CTNND2: variants seen among roughly 807,000 people sequenced by gnomAD.
The protein encoded by CTNND2 is catenin delta 2, also known as catenin delta-2.
In CTNND2, 22 loss-of-function variants were observed where a neutral mutation model predicts 144.4. The ratio of observed to expected loss-of-function variants is 0.15; its 90% confidence interval spans 0.11 to 0.22. The LOEUF (loss-of-function observed/expected upper bound fraction) is 0.22. Among genes scored for constraint, CTNND2 ranks in the 10% least tolerant of loss-of-function variants. The pLI is 1.00. For synonymous variants in CTNND2, 751 were observed against 695.6 expected (o/e 1.08, Z -1.25); for missense variants, 1,353 against 1,618.8 (o/e 0.84, Z 2.82).
At chr5:11,534,082 A>C (rs1018976882) in intron 3 of CTNND2, among the ~76,000 whole-genome samples, 2 of 152,198 alleles carry the variant, frequency 1.3e-5, no homozygotes, top group Non-Finnish European at 2.9e-5. Context: ...TTTATTCTTA[A>C]ATGGTAGGAA....
chr5:11,331,843 G>A (rs1753169504), intron 9 of CTNND2, among the ~76,000 whole-genome samples: 1 of 152,152 alleles, frequency 6.6e-6, no homozygotes, highest in Non-Finnish European at 1.5e-5. Flanking sequence ...ATAGGTTCTG[G>A]TGTTCTATTG....
At chr5:11,026,939 A>C (rs1329356907) in intron 16 of CTNND2, among the ~76,000 whole-genome samples, 6 of 152,196 alleles carry the variant, frequency 3.9e-5, no homozygotes, top group Admixed American at 6.5e-5. Flanking sequence ...AGTAAAAACC[A>C]AGTGAATTTT....
At chr5:11,627,384 T>C (rs1015298580) in intron 2 of CTNND2, among the ~76,000 whole-genome samples, 3 of 152,188 alleles carry the variant, frequency 2.0e-5, no homozygotes, top group African/African-American at 7.2e-5. Context: ...TGCCCTTTTA[T>C]TGGCTGTGTA....
chr5:11,650,973 G>A (rs2126535875), intron 2 of CTNND2, among the ~76,000 whole-genome samples: 1 of 152,338 alleles, frequency 6.6e-6, no homozygotes, highest in South Asian at 2.1e-4. Context: ...CATTTTCTGG[G>A]GAGAAATTCA....
At chr5:11,024,078 A>G (rs573671557) in intron 16 of CTNND2, among the ~76,000 whole-genome samples, 93 of 152,330 alleles carry the variant, frequency 6.1e-4, no homozygotes, top group Non-Finnish European at 1.1e-3. Context: ...GTACATATCT[A>G]TAAATAATAG....
At chr5:11,179,529 A>G (rs757924497) in intron 11 of CTNND2, among the ~76,000 whole-genome samples, 3 of 152,036 alleles carry the variant, frequency 2.0e-5, no homozygotes, top group Non-Finnish European at 4.4e-5. Flanking sequence ...CTAAATATAC[A>G]TATTTATCTG....
chr5:11,231,253 T>C lies in CTNND2; in HGVS notation c.1761+5438A>G, dbSNP rs1164342740. Among the ~76,000 whole-genome samples, 7 of 152,066 alleles carry C rather than the reference T, an allele frequency of 4.6e-5. No homozygotes were observed. In the South Asian group the frequency reaches 6.2e-4, roughly 14 times the overall value. On this transcript the variant is annotated intron_variant, in intron 10 of 21. Coordinates refer to ENST00000304623, the MANE Select transcript of CTNND2 (RefSeq NM_001332.4). ...AATAAATAACCCAGTCTTGAGTAGA[T>C]TGGTACCAGGAGTGGGCTGTTGTTG...
chr5:11,821,552 C>G (rs1268123019), intron 1 of CTNND2, among the ~76,000 whole-genome samples: 4 of 152,094 alleles, frequency 2.6e-5, no homozygotes, highest in Non-Finnish European at 5.9e-5. Context: ...AAAATTTCAT[C>G]TGATCCTGAA....
intron 12 of CTNND2, among the ~76,000 whole-genome samples, chr5:11,154,739 C>A (rs1041889276): frequency 1.3e-4 from 20 of 152,180 alleles, no homozygotes; most frequent in African/African-American, 4.3e-4. Context: ...CGCCAGAAAT[C>A]TAAAATCAAG....
intron 8 of CTNND2, among the ~76,000 whole-genome samples, chr5:11,349,252 G>C (rs1454373329): frequency 6.6e-6 from 1 of 152,060 alleles, no homozygotes; most frequent in East Asian, 1.9e-4. Flanking sequence ...GTAGGAAAGG[G>C]GATTGTACAC....
In CTNND2 at chr5:11,346,631, C is replaced by A; in HGVS notation, c.1373-4G>T. ...TCGACACCAGGGGAAGATGGGGCTA[C>A]GACAGGAAAGTAGGGACAAAGTAAA... On this transcript the variant is annotated splice_region_variant and splice_polypyrimidine_tract_variant and intron_variant, in intron 8 of 21. Coordinates refer to ENST00000304623, the MANE Select transcript of CTNND2 (RefSeq NM_001332.4). The A allele has an allele frequency of 6.8e-7, 1 of 1,471,230 alleles. No homozygotes were observed. The highest frequency in any genetic ancestry group is 9.0e-7 in the Non-Finnish European group (1 of 1,107,404). The allele number at this position is 1,471,230 out of a possible 1,614,324, so 91.1% of individuals were successfully genotyped here.
At chr5:11,838,850 G>T (rs923099878) in intron 1 of CTNND2, among the ~76,000 whole-genome samples, 1 of 151,960 alleles carries the variant, frequency 6.6e-6, no homozygotes, top group Non-Finnish European at 1.5e-5. Flanking sequence ...TAACATAATG[G>T]TGCTTCTTAC....
intron 1 of CTNND2, among the ~76,000 whole-genome samples, chr5:11,744,702 T>C (rs1011122311): frequency 6.6e-6 from 1 of 151,744 alleles, no homozygotes; most frequent in Non-Finnish European, 1.5e-5. Flanking sequence ...TGTGCGTGTG[T>C]GTGTGTGTGC....
chr5:11,902,319 G>A (rs568872864), intron 1 of CTNND2, among the ~76,000 whole-genome samples: 2 of 152,074 alleles, frequency 1.3e-5, no homozygotes, highest in Non-Finnish European at 2.9e-5. Context: ...GAGGATACTC[G>A]CCCCTATATA....
intron 1 of CTNND2, among the ~76,000 whole-genome samples, chr5:11,833,579 A>C (rs1373557680): frequency 6.6e-6 from 1 of 152,078 alleles, no homozygotes; most frequent in Non-Finnish European, 1.5e-5. Context: ...GCTGCAGTGC[A>C]ATGGCACGAT....
intron 11 of CTNND2, among the ~76,000 whole-genome samples, chr5:11,164,014 C>T (rs975913970): frequency 2.0e-5 from 3 of 152,082 alleles, no homozygotes; most frequent in African/African-American, 7.2e-5. Context: ...CAGAGGATCC[C>T]GGGGAAGATG....
At chr5:11,066,594 C>T (rs1171097363) in intron 16 of CTNND2, among the ~76,000 whole-genome samples, 1 of 152,080 alleles carries the variant, frequency 6.6e-6, no homozygotes, top group Non-Finnish European at 1.5e-5. Context: ...GCACCCTGAC[C>T]ACTTTGGGCA....
chr5:11,460,306 T>A (rs535132480), intron 3 of CTNND2, among the ~76,000 whole-genome samples: 1 of 152,158 alleles, frequency 6.6e-6, no homozygotes, highest in African/African-American at 2.4e-5. Context: ...AGATGCCCTA[T>A]GAGAGAAAGC....
At chr5:11,319,207 C>T (rs1751797514) in intron 9 of CTNND2, among the ~76,000 whole-genome samples, 1 of 152,008 alleles carries the variant, frequency 6.6e-6, no homozygotes, top group Admixed American at 6.6e-5. Context: ...TTATTTGTTG[C>T]ATGTCTCTTT....
Sources: gnomAD v4.1 joint callset for allele counts (sites outside exome capture counted in the v4.1 genomes callset) on GRCh38, gnomAD v4.1.1 for gene constraint, MANE v1.5 for transcripts, NCBI Gene and HGNC (gene_info 2026-07-23, HGNC 2026-07-21) for gene names.